MOB1B: variants seen among roughly 807,000 people sequenced by gnomAD.
The protein encoded by MOB1B is MOB1 Mps One Binder homolog B.
MOB1B carries 19 observed loss-of-function variants against 24.4 expected under a neutral mutation model. That is an observed-to-expected ratio of 0.78 (90% CI 0.54 to 1.14). The LOEUF is 1.14. Ranked by LOEUF, MOB1B falls within the 50% of genes most tolerant of loss-of-function variation. MOB1B has a pLI of 0.00. For missense variants in MOB1B, 243 were observed against 259.6 expected (o/e 0.94, Z 0.44); for synonymous variants, 76 against 82.1 (o/e 0.93, Z 0.40).
intron 1 of MOB1B, among the ~76,000 whole-genome samples, chr4:70,911,464 G>A (rs953395159): frequency 4.0e-5 from 6 of 151,632 alleles, no homozygotes; most frequent in African/African-American, 1.5e-4. Flanking sequence ...TATTTTTGAG[G>A]GAATGTGGGG....
chr4:70,902,176 C>G (rs904646833), upstream of MOB1B: 3 of 423,356 alleles, frequency 7.1e-6, no homozygotes, highest in Non-Finnish European at 1.3e-5. Flanking sequence ...CAGAGGAGAC[C>G]AGAAGGTGAG....
At chr4:70,916,274 G>A (rs781483182) in intron 1 of MOB1B, among the ~76,000 whole-genome samples, 4 of 152,174 alleles carry the variant, frequency 2.6e-5, no homozygotes, top group Non-Finnish European at 4.4e-5. Flanking sequence ...GTCTCAGCAC[G>A]TCATTCATAG....
intron 1 of MOB1B, 59 bp downstream of exon 1, chr4:70,902,609 G>A: frequency 9.5e-7 from 1 of 1,055,582 alleles, no homozygotes; most frequent in Non-Finnish European, 1.3e-6. Flanking sequence ...GCCCCCGCCC[G>A]CCGCCCGCCG....
intron 1 of MOB1B, among the ~76,000 whole-genome samples, chr4:70,937,999 T>G (rs1352172699): frequency 1.3e-5 from 2 of 152,170 alleles, no homozygotes; most frequent in Non-Finnish European, 2.9e-5. Flanking sequence ...CTTTTTTTCC[T>G]ATCGCTAAAG....
At chr4:70,925,229 G>T (rs1339623018) in intron 1 of MOB1B, among the ~76,000 whole-genome samples, 1 of 152,054 alleles carries the variant, frequency 6.6e-6, no homozygotes. Flanking sequence ...TAGAGACGGG[G>T]TTTCACCATA....
chr4:70,943,550 TA>T lies in MOB1B; in HGVS notation c.15-15316del, dbSNP rs796337128. ...AGTAGTTCAAGGTATAGTAACTTTTTAAAAAAAATCAACAATCATTGATCAT... is the reference window on the plus strand; with the variant it reads ...AGTAGTTCAAGGTATAGTAACTTTTTAAAAAAATCAACAATCATTGATCAT... On this transcript the variant is annotated intron_variant, in intron 1 of 5. Transcript: ENST00000309395. Among the ~76,000 whole-genome samples the T allele has an allele frequency of 2.2e-4, 34 of 152,222 alleles. 1 individual carries two copies. The highest frequency in any genetic ancestry group is 8.2e-4 in the African/African-American group (34 of 41,532).
At position 70,965,536 on chromosome 4, in the gene MOB1B, G is replaced by A. The variant is rs1332531790; in HGVS notation, c.182-4395G>A. Among the ~76,000 whole-genome samples the A allele has an allele frequency of 3.3e-5, 5 of 151,418 alleles. No homozygotes were observed. The East Asian group carries it at 5.8e-4, about 18-fold the overall frequency. On this transcript the variant is annotated intron_variant, in intron 2 of 5. Coordinates refer to ENST00000309395, the MANE Select transcript of MOB1B (RefSeq NM_173468.4). ...AGAGAGGCCGGGCGCGGTGGCTCAC[G>A]CCTGTAATCCCAGCACTTTCGGAGG...
intron 1 of MOB1B, chr4:70,950,922 GACTC>G: frequency 1.5e-6 from 1 of 684,724 alleles, no homozygotes; most frequent in Admixed American, 2.1e-5. Flanking sequence ...AGGAAGCTGA[GACTC>G]AGTAACAGTA....
chr4:70,958,168 CT>C (rs112338268), intron 1 of MOB1B, among the ~76,000 whole-genome samples: 2,085 of 141,644 alleles, frequency 0.015, 31 homozygotes, highest in African/African-American at 0.045. Context: ...TCTTTTCTTT[CT>C]TTTTTTTTTT....
chr4:70,943,672 A>G (rs1737443799), intron 1 of MOB1B, among the ~76,000 whole-genome samples: 2 of 152,220 alleles, frequency 1.3e-5, no homozygotes, highest in Admixed American at 6.5e-5. Context: ...AAGAGACAGG[A>G]GTTAACGCAC....
chr4:70,936,102 C>T (rs888347766), intron 1 of MOB1B, among the ~76,000 whole-genome samples: 13 of 152,130 alleles, frequency 8.5e-5, no homozygotes, highest in South Asian at 2.1e-4. Context: ...CCGCCCGCCT[C>T]GGCCTCCCAA....
At chr4:70,973,016 G>A (rs111332043) in intron 3 of MOB1B, among the ~76,000 whole-genome samples, 4,460 of 152,046 alleles carry the variant, frequency 0.029, 212 homozygotes, top group African/African-American at 0.1. Flanking sequence ...CTCATGATCC[G>A]CCCGCCTCGG....
chr4:70,967,294 C>T (rs533225579), intron 2 of MOB1B, among the ~76,000 whole-genome samples: 9 of 152,240 alleles, frequency 5.9e-5, no homozygotes, highest in African/African-American at 1.9e-4. Flanking sequence ...CTGCCATGTC[C>T]GGCTAATTTT....
Position 70,968,482 on chromosome 4 carries a change from TG to T in MOB1B, c.182-1448del, listed in dbSNP as rs578242058. ...ATGCGCCACCACACCCGGCTAATTT[TG>T]TATTTTTAGTAGAGACAAGGTTTCT... is the stretch of plus-strand genomic sequence containing the variant. On this transcript the variant is annotated intron_variant, in intron 2 of 5. Transcript: ENST00000309395. 6.6e-5 allele frequency among the ~76,000 whole-genome samples: 10 copies of T among 152,240 alleles called. No homozygotes were observed. The South Asian group carries it at 2.1e-3, about 32-fold the overall frequency.
At chr4:70,957,771 T>C (rs1299467022) in intron 1 of MOB1B, among the ~76,000 whole-genome samples, 10 of 143,314 alleles carry the variant, frequency 7.0e-5, no homozygotes, top group African/African-American at 1.4e-4. Context: ...TTTTTTTTTT[T>C]CAAGAGATGG....
chr4:70,935,432 C>T (rs531135745), intron 1 of MOB1B, among the ~76,000 whole-genome samples: 2 of 152,138 alleles, frequency 1.3e-5, no homozygotes, highest in Non-Finnish European at 2.9e-5. Flanking sequence ...TTTCAGTTAG[C>T]GGCTTGGCAA....
intron 1 of MOB1B, among the ~76,000 whole-genome samples, chr4:70,904,758 CAAA>C (rs376732470): frequency 1.8e-4 from 11 of 62,604 alleles, no homozygotes; most frequent in Admixed American, 3.8e-4. Context: ...GACTCTGTCT[CAAA>C]AAAAAAAAAA....
At chr4:70,928,618 G>A (rs1364716838) in intron 1 of MOB1B, among the ~76,000 whole-genome samples, 2 of 151,984 alleles carry the variant, frequency 1.3e-5, no homozygotes, top group African/African-American at 4.8e-5. Flanking sequence ...ATTTCATCAC[G>A]GGTGGTGAGA....
chr4:70,902,697 G>A (rs1735564611), intron 1 of MOB1B, 147 bp downstream of exon 1: 1 of 740,320 alleles, frequency 1.4e-6, no homozygotes, highest in Admixed American at 4.2e-5. Context: ...GGGGCCCCGG[G>A]ACTGCGCGGA....
Sources: allele counts gnomAD v4.1 joint callset (sites outside exome capture counted in the v4.1 genomes callset), GRCh38; gene constraint gnomAD v4.1.1; transcripts MANE v1.5; gene names NCBI Gene and HGNC (gene_info 2026-07-23, HGNC 2026-07-21).